The following TTLL13 variants were observed in gnomAD, a reference collection of about 807,000 sequenced individuals.
TTLL13 encodes the protein tubulin polyglutamylase TTLL13.
chr15:90,254,144 G>C, the TTLL13 span, among the ~76,000 whole-genome samples: 1 of 151,424 alleles, frequency 6.6e-6, no homozygotes, highest in African/African-American at 2.4e-5. Context: ...AGTGAGCAGA[G>C]ATCATGCCAC....
chr15:90,263,670 TACC>T, the TTLL13 span: 1 of 607,150 alleles, frequency 1.6e-6, no homozygotes, highest in Non-Finnish European at 2.9e-6. Flanking sequence ...TTTTTTCAGT[TACC>T]TCCTTCTTCC....
the TTLL13 span, among the ~76,000 whole-genome samples, chr15:90,250,237 A>G: frequency 1.3e-5 from 2 of 152,006 alleles, no homozygotes; most frequent in African/African-American, 2.4e-5. Context: ...GGGCCGATTC[A>G]GCTGTATTTT....
the TTLL13 span, chr15:90,265,152 G>T: frequency 8.0e-7 from 1 of 1,244,370 alleles, no homozygotes. Flanking sequence ...GATTAATTGG[G>T]GATCGGTAAA....
At chr15:90,253,169 CCTT>C in the TTLL13 span, 1 of 1,190,196 alleles carries the variant, frequency 8.4e-7, no homozygotes, top group Non-Finnish European at 1.2e-6. Flanking sequence ...CAGGTGTATA[CCTT>C]ACCTGACCCA....
the TTLL13 span, among the ~76,000 whole-genome samples, chr15:90,260,126 T>TA: frequency 6.6e-6 from 1 of 152,102 alleles, no homozygotes; most frequent in Admixed American, 6.6e-5. Context: ...TGTCTTTCAA[T>TA]AAGGAAAAAT....
chr15:90,252,661 C>G, the TTLL13 span, among the ~76,000 whole-genome samples: 1 of 152,126 alleles, frequency 6.6e-6, no homozygotes, highest in Non-Finnish European at 1.5e-5. Flanking sequence ...TGTGACCCCA[C>G]CTATAGGCAG....
At chr15:90,257,597 A>G in the TTLL13 span, 10 of 1,591,134 alleles carry the variant, frequency 6.3e-6, no homozygotes, top group Non-Finnish European at 8.6e-6. Flanking sequence ...GGACGGCCGC[A>G]TGCAGACAGT....
the TTLL13 span, among the ~76,000 whole-genome samples, chr15:90,252,730 C>T: frequency 2.6e-5 from 4 of 152,144 alleles, no homozygotes; most frequent in East Asian, 1.9e-4. Flanking sequence ...CAGCTGGGCA[C>T]GGTGGCTCAT....
the TTLL13 span, chr15:90,262,051 A>G: frequency 6.5e-7 from 1 of 1,535,902 alleles, no homozygotes; most frequent in South Asian, 1.2e-5. Context: ...TGGACCAGGA[A>G]CGATATGAGG....
chr15:90,255,546 T>C, the TTLL13 span, among the ~76,000 whole-genome samples: 1 of 152,054 alleles, frequency 6.6e-6, no homozygotes, highest in Non-Finnish European at 1.5e-5. Context: ...TCAGTGTGGA[T>C]GTGTGTGTTG....
At chr15:90,263,024 T>C in the TTLL13 span, 2 of 1,536,074 alleles carry the variant, frequency 1.3e-6, no homozygotes, top group Non-Finnish European at 1.7e-6. Context: ...GAGGAGGAGC[T>C]GGAGCGGATG....
At chr15:90,250,484 G>T in the TTLL13 span, 3 of 949,824 alleles carry the variant, frequency 3.2e-6, no homozygotes, top group Non-Finnish European at 4.6e-6. Flanking sequence ...CAGTGAAACA[G>T]TTTTGTCCTG....
At chr15:90,263,169 C>T in the TTLL13 span, 5 of 1,506,292 alleles carry the variant, frequency 3.3e-6, no homozygotes, top group Non-Finnish European at 4.4e-6. Flanking sequence ...TGAAGTCTCC[C>T]AGAGGAAAAG....
At chr15:90,260,544 A>G in the TTLL13 span, among the ~76,000 whole-genome samples, 2 of 151,482 alleles carry the variant, frequency 1.3e-5, no homozygotes, top group African/African-American at 4.9e-5. Flanking sequence ...GCATTATTTC[A>G]TTTTCATTTG....
chr15:90,263,740 C>G, the TTLL13 span: 1 of 686,220 alleles, frequency 1.5e-6, no homozygotes. Context: ...TCTCCTCTAG[C>G]CTAGATTTTG....
At chr15:90,255,905 C>T in the TTLL13 span, 2 of 1,614,072 alleles carry the variant, frequency 1.2e-6, no homozygotes, top group East Asian at 2.2e-5. Context: ...TCTGGCTTCC[C>T]ATGCTGAGAT....
chr15:90,261,978 C>G, the TTLL13 span: 1 of 1,514,130 alleles, frequency 6.6e-7, no homozygotes, highest in Non-Finnish European at 8.8e-7. Flanking sequence ...CAGCCCTACT[C>G]TTGACTCACT....
At chr15:90,254,188 G>GTTGTTGTTT in the TTLL13 span, among the ~76,000 whole-genome samples, 1 of 104,006 alleles carries the variant, frequency 9.6e-6, no homozygotes, top group African/African-American at 4.8e-5. Context: ...GTGAGACCCT[G>GTTGTTGTTT]TTTTTTTTTT....
chr15:90,264,863 A>C, the TTLL13 span: 4 of 1,536,036 alleles, frequency 2.6e-6, no homozygotes, highest in Non-Finnish European at 3.5e-6. Context: ...CTTGCCCTCC[A>C]TGGTAAACTC....
Sources: gnomAD v4.1 joint callset for allele counts (sites outside exome capture counted in the v4.1 genomes callset) on GRCh38, gnomAD v4.1.1 for gene constraint, MANE v1.5 for transcripts, NCBI Gene and HGNC (gene_info 2026-07-23, HGNC 2026-07-21) for gene names.